Variants in DGKI observed in about 807,000 individuals in gnomAD.
DGKI encodes the protein diacylglycerol kinase iota.
DGKI carries 55 observed loss-of-function variants against 147.5 expected under a neutral mutation model. The observed-to-expected ratio is 0.37, with a 90% CI of 0.30 to 0.47. The LOEUF (loss-of-function observed/expected upper bound fraction) is 0.47, where lower values mean the gene tolerates loss of function less well. Among genes scored for constraint, DGKI ranks in the 20% least tolerant of loss-of-function variants. The pLI is 1.00. For missense variants in DGKI, 1,007 were observed against 1,323.8 expected (o/e 0.76, Z 3.71); for synonymous variants, 469 against 477.1 (o/e 0.98, Z 0.22).
At chr7:137,453,616 A>T (rs569243664) in intron 27 of DGKI, among the ~76,000 whole-genome samples, 5 of 152,328 alleles carry the variant, frequency 3.3e-5, no homozygotes, top group Admixed American at 3.3e-4. Context: ...AGACAAACAC[A>T]TTCTCTATTC....
intron 6 of DGKI, among the ~76,000 whole-genome samples, chr7:137,630,298 T>C (rs1021660297): frequency 2.0e-5 from 3 of 152,120 alleles, no homozygotes; most frequent in Admixed American, 1.3e-4. Context: ...TACCCCTCTG[T>C]ATTCTAAATT....
intron 1 of DGKI, among the ~76,000 whole-genome samples, chr7:137,805,063 A>G (rs1196328079): frequency 6.6e-6 from 1 of 152,250 alleles, no homozygotes; most frequent in Admixed American, 6.5e-5. Context: ...ACAGGTTGAC[A>G]CACATGGATG....
chr7:137,487,567 A>G (rs1815609162), intron 22 of DGKI, 43 bp downstream of exon 22: 8 of 1,527,556 alleles, frequency 5.2e-6, no homozygotes, highest in African/African-American at 1.4e-5. Flanking sequence ...GTTTACAAAA[A>G]TGGAAAGTTG....
rs1380690237 is a variant in DGKI at position 137,381,974 on chromosome 7, A to G, written c.*9246T>C. On this transcript the variant is annotated 3_prime_UTR_variant, in exon 33 of 33. Coordinates refer to ENST00000614521, the MANE Select transcript of DGKI (RefSeq NM_001321708.2). ...AATTAGAGTCTCAATCCAACCAATGATGGGTGGGGAGAGTGGCGAATAAAA... is the reference window on the plus strand; with the variant it reads ...AATTAGAGTCTCAATCCAACCAATGGTGGGTGGGGAGAGTGGCGAATAAAA... The G allele has an allele frequency of 6.6e-6, 1 of 152,076 alleles. No homozygotes were observed. The highest frequency in any genetic ancestry group is 1.5e-5 in the Non-Finnish European group (1 of 67,980). 9.4% of individuals were successfully genotyped at this position (152,076 alleles called of 1,614,324 possible).
rs187820064 is a variant in DGKI, at chr7:137,562,140, T to C, written c.1947+9035A>G. ...GGTAACAAAGGACTTTCTATTTGTC[T>C]TTCATCTCTTAATTTCTTTAAAAGT... On this transcript the variant is annotated intron_variant, in intron 19 of 32. Coordinates refer to ENST00000614521, the MANE Select transcript of DGKI (RefSeq NM_001321708.2). Among the ~76,000 whole-genome samples, 240 of 152,352 alleles carry C rather than the reference T, an allele frequency of 1.6e-3. 1 individual carries two copies. Among genetic ancestry groups the C allele is most frequent in the African/African-American group, 5.2e-3 (215 of 41,582 alleles).
chr7:137,541,620 T>C (rs780361006), intron 20 of DGKI, among the ~76,000 whole-genome samples: 35 of 152,308 alleles, frequency 2.3e-4, no homozygotes, highest in Admixed American at 1.0e-3. Flanking sequence ...GTATATCCAA[T>C]TGATTTTTGG....
At chr7:137,581,096 A>T (rs1264883009) in intron 15 of DGKI, among the ~76,000 whole-genome samples, 2 of 152,160 alleles carry the variant, frequency 1.3e-5, no homozygotes, top group East Asian at 1.9e-4. Flanking sequence ...ACTACAAAAC[A>T]TAAGTCAAAC....
At chr7:137,413,911 G>A (rs1354120143) in intron 28 of DGKI, among the ~76,000 whole-genome samples, 1 of 152,136 alleles carries the variant, frequency 6.6e-6, no homozygotes, top group East Asian at 1.9e-4. Context: ...CAGTGTATAA[G>A]CATTCCCTTT....
intron 20 of DGKI, among the ~76,000 whole-genome samples, chr7:137,551,195 T>G (rs983162333): frequency 8.6e-5 from 13 of 151,970 alleles, no homozygotes; most frequent in African/African-American, 3.1e-4. Flanking sequence ...CAGACAGGAT[T>G]TTTTACCCCA....
chr7:137,591,847 T>C (rs915281633), intron 12 of DGKI, among the ~76,000 whole-genome samples: 1 of 152,220 alleles, frequency 6.6e-6, no homozygotes, highest in Admixed American at 6.5e-5. Flanking sequence ...AAATGCCCTC[T>C]TCCCATTTCT....
At chr7:137,498,352 C>CA (rs1816047725) in intron 21 of DGKI, among the ~76,000 whole-genome samples, 1 of 151,522 alleles carries the variant, frequency 6.6e-6, no homozygotes, top group Admixed American at 6.6e-5. Context: ...ATACGAGTCT[C>CA]AAAAAACAAA....
chr7:137,772,998 G>T (rs1022958967), intron 1 of DGKI, among the ~76,000 whole-genome samples: 1 of 152,164 alleles, frequency 6.6e-6, no homozygotes, highest in African/African-American at 2.4e-5. Flanking sequence ...CTTGCAGGAT[G>T]GGGGTGAATT....
chr7:137,808,251 C>T (rs1000494200), intron 1 of DGKI, among the ~76,000 whole-genome samples: 1 of 152,172 alleles, frequency 6.6e-6, no homozygotes, highest in Admixed American at 6.5e-5. Flanking sequence ...AAAATCTATG[C>T]ATCCTGGAAA....
At position 137,390,643 on chromosome 7, in the gene DGKI, G is replaced by C. The variant is rs1206114950; in HGVS notation, c.*577C>G. ...AAACGGAGGGTTGGCGGGTGAGGGG[G>C]ACATGCAGAGAGAGTCACTAAATAG... On this transcript the variant is annotated 3_prime_UTR_variant, in exon 33 of 33. Transcript: ENST00000614521. The C allele has an allele frequency of 6.5e-6, 1 of 153,440 alleles. No individual in the cohort carries two copies. The highest frequency in any genetic ancestry group is 1.5e-5 in the Non-Finnish European group (1 of 68,842). 9.5% of individuals were successfully genotyped at this position (153,440 alleles called of 1,614,324 possible).
chr7:137,560,482 A>G (rs1818383072), intron 19 of DGKI, among the ~76,000 whole-genome samples: 1 of 152,204 alleles, frequency 6.6e-6, no homozygotes, highest in Admixed American at 6.5e-5. Context: ...AAATGCAAAG[A>G]AAACCACTGT....
rs1251409271 is a variant in DGKI at position 137,391,238 on chromosome 7, G to A, written c.3156C>T (p.Asp1052=). The change falls in exon 33 of 33, where the codon GAC becomes GAT. Residue 1052 remains aspartate (D), a synonymous_variant. Transcript: ENST00000614521. ...ACCAGGGTCAAACAGCAGTTTCCAG[G>A]TCCTCATGGCCAATGACCTTATAGT... is the stretch of plus-strand genomic sequence containing the variant. ...RQNYKVIGHE[D]LETAV 1.2e-6 allele frequency: 2 copies of A among 1,613,758 alleles called. No individual in the cohort carries two copies. The highest frequency in any genetic ancestry group is 1.7e-6 in the Non-Finnish European group (2 of 1,179,918).
At chr7:137,842,361 A>T (rs561059582) in intron 1 of DGKI, among the ~76,000 whole-genome samples, 11 of 152,342 alleles carry the variant, frequency 7.2e-5, no homozygotes, top group African/African-American at 2.4e-4. Context: ...ATCAACCTAT[A>T]AAGAATAACA....
chr7:137,662,726 G>T (rs902213305), intron 3 of DGKI, among the ~76,000 whole-genome samples: 1 of 152,180 alleles, frequency 6.6e-6, no homozygotes, highest in African/African-American at 2.4e-5. Context: ...AAAGGTCCCA[G>T]CCCAGACCCT....
chr7:137,393,814 T>C (rs1339165478), intron 32 of DGKI, among the ~76,000 whole-genome samples: 1 of 151,642 alleles, frequency 6.6e-6, no homozygotes, highest in East Asian at 1.9e-4. Context: ...AAGTGGAGAG[T>C]TCTATGTAAT....
Sources: allele counts gnomAD v4.1 joint callset (sites outside exome capture counted in the v4.1 genomes callset), GRCh38; gene constraint gnomAD v4.1.1; transcripts MANE v1.5; gene names NCBI Gene and HGNC (gene_info 2026-07-23, HGNC 2026-07-21).